DOCK8: variants seen among roughly 807,000 people sequenced by gnomAD.
DOCK8 encodes dedicator of cytokinesis protein 8.
A neutral mutation model predicts 245.6 loss-of-function variants in DOCK8; 141 were observed. The ratio of observed to expected loss-of-function variants is 0.57; its 90% confidence interval spans 0.50 to 0.66. DOCK8 has a LOEUF of 0.66. Ranked by LOEUF, DOCK8 falls within the 30% of genes least tolerant of loss-of-function variation. The pLI is 0.00. For missense variants in DOCK8, 2,965 were observed against 2,603.4 expected (o/e 1.14, Z -3.02); for synonymous variants, 1,168 against 970.2 (o/e 1.20, Z -3.79).
chr9:247,274 T>A (rs1254223951), intron 1 of DOCK8, among the ~76,000 whole-genome samples: 1 of 152,192 alleles, frequency 6.6e-6, no homozygotes, highest in Non-Finnish European at 1.5e-5. Flanking sequence ...TGCTTTAAAG[T>A]CAATTGGGGA....
chr9:242,793 C>G (rs958072138), intron 1 of DOCK8, among the ~76,000 whole-genome samples: 1 of 151,328 alleles, frequency 6.6e-6, no homozygotes, highest in Non-Finnish European at 1.5e-5. Flanking sequence ...TGGCCTTCCA[C>G]GGAATCTGTT....
chr9:267,003 TC>T (rs1176603389), intron 1 of DOCK8, among the ~76,000 whole-genome samples: 2 of 152,096 alleles, frequency 1.3e-5, no homozygotes, highest in Non-Finnish European at 2.9e-5. Flanking sequence ...TTGGCTATGT[TC>T]CTTTTTGTGG....
intron 35 of DOCK8, among the ~76,000 whole-genome samples, chr9:428,946 C>G (rs2056601751): frequency 6.6e-6 from 1 of 151,962 alleles, no homozygotes; most frequent in Non-Finnish European, 1.5e-5. Flanking sequence ...GGGTAACATG[C>G]AGATTATTTT....
In DOCK8 at chr9:386,429, A is replaced by G. The variant is rs758868430; in HGVS notation, c.2874+3A>G. 1.1e-5 allele frequency: 18 copies of G among 1,612,476 alleles called. No homozygotes were observed. Among genetic ancestry groups the G allele is most frequent in the South Asian group, 2.2e-5 (2 of 91,008 alleles). On this transcript the variant is annotated splice_donor_region_variant and intron_variant, in intron 23 of 47. Transcript: ENST00000432829. ...CCCCAAGGCCAGCCAGCAAAAAGGT[A>G]CTGAAGAGAGCAATGTGAGGTTCAT...
At chr9:260,115 G>T (rs1049414494) in intron 1 of DOCK8, among the ~76,000 whole-genome samples, 1 of 152,150 alleles carries the variant, frequency 6.6e-6, no homozygotes, top group Non-Finnish European at 1.5e-5. Flanking sequence ...GCCCTCTCAA[G>T]CCTGGCCAAC....
intron 7 of DOCK8, among the ~76,000 whole-genome samples, chr9:322,422 C>A (rs553326683): frequency 6.6e-6 from 1 of 150,468 alleles, no homozygotes; most frequent in African/African-American, 2.5e-5. Flanking sequence ...CGAACACTCA[C>A]GGAAAAAGCC....
chr9:405,265 C>T (rs1243791246), intron 27 of DOCK8, among the ~76,000 whole-genome samples, 192 bp downstream of exon 27: 4 of 152,158 alleles, frequency 2.6e-5, no homozygotes, highest in African/African-American at 9.7e-5. Flanking sequence ...TAATTGGTTT[C>T]TCCCCAGGCT....
intron 23 of DOCK8, among the ~76,000 whole-genome samples, 192 bp from the exon 24 acceptor site, chr9:390,279 G>A (rs1208761884): frequency 6.6e-6 from 1 of 152,120 alleles, no homozygotes; most frequent in East Asian, 1.9e-4. Flanking sequence ...TCTATGCACC[G>A]AAATGTCCTC....
intron 22 of DOCK8, among the ~76,000 whole-genome samples, chr9:385,580 C>A (rs983084723): frequency 6.6e-6 from 1 of 152,196 alleles, no homozygotes; most frequent in Non-Finnish European, 1.5e-5. Context: ...TACCACACTG[C>A]ATTTCTATGA....
intron 1 of DOCK8, among the ~76,000 whole-genome samples, chr9:220,444 C>A (rs2046855405): frequency 6.6e-6 from 1 of 152,144 alleles, no homozygotes; most frequent in South Asian, 2.1e-4. Flanking sequence ...AGATGAAGAA[C>A]TCAGGGGACC....
chr9:367,344 A>G (rs1026493544), intron 14 of DOCK8, among the ~76,000 whole-genome samples: 1 of 152,236 alleles, frequency 6.6e-6, no homozygotes, highest in Non-Finnish European at 1.5e-5. Flanking sequence ...AATCAAAAAC[A>G]TGAGAGAAAA....
At chr9:406,101 G>A (rs965303159) in intron 27 of DOCK8, among the ~76,000 whole-genome samples, 4 of 152,174 alleles carry the variant, frequency 2.6e-5, no homozygotes, top group African/African-American at 9.7e-5. Context: ...ATACAGGACA[G>A]GAATTACTGA....
chr9:377,984 A>C (rs1050308864), intron 20 of DOCK8, among the ~76,000 whole-genome samples: 2 of 152,186 alleles, frequency 1.3e-5, no homozygotes, highest in Non-Finnish European at 2.9e-5. Context: ...AGCTGTGCCT[A>C]TATAGCTCTT....
At chr9:381,932 C>T (rs1010768516) in intron 21 of DOCK8, among the ~76,000 whole-genome samples, 20 of 151,056 alleles carry the variant, frequency 1.3e-4, no homozygotes, top group African/African-American at 4.7e-4. Context: ...TGCACTCCAG[C>T]CTGGAGGACA....
chr9:326,983 AAGAG>A (rs1205185304), intron 8 of DOCK8, among the ~76,000 whole-genome samples: 1 of 152,210 alleles, frequency 6.6e-6, no homozygotes, highest in Non-Finnish European at 1.5e-5. Flanking sequence ...ATACGACACT[AAGAG>A]AGCCAGGAGC....
intron 1 of DOCK8, among the ~76,000 whole-genome samples, chr9:242,810 G>GTT (rs34167682): frequency 6.4e-5 from 9 of 140,932 alleles, no homozygotes; most frequent in African/African-American, 7.8e-5. Context: ...TGTTGAGCTT[G>GTT]TTTTTTTTTT....
chr9:233,745 G>T (rs1341571241), intron 1 of DOCK8, among the ~76,000 whole-genome samples: 3 of 151,844 alleles, frequency 2.0e-5, no homozygotes, highest in African/African-American at 7.2e-5. Context: ...TTTTCCATTT[G>T]CTTGGTAGAT....
At chr9:278,740 A>G (rs984304818) in intron 2 of DOCK8, among the ~76,000 whole-genome samples, 12 of 152,196 alleles carry the variant, frequency 7.9e-5, no homozygotes, top group African/African-American at 2.9e-4. Flanking sequence ...TCAATAAGTG[A>G]CGTGCTCCAG....
At chr9:316,973 C>G in intron 6 of DOCK8, 70 bp from the exon 7 acceptor site, 1 of 1,268,308 alleles carries the variant, frequency 7.9e-7, no homozygotes, top group East Asian at 2.3e-5. Flanking sequence ...CTTCCCTTCC[C>G]TGGGTTAACT....
Sources: allele counts gnomAD v4.1 joint callset (sites outside exome capture counted in the v4.1 genomes callset), GRCh38; gene constraint gnomAD v4.1.1; transcripts MANE v1.5; gene names NCBI Gene and HGNC (gene_info 2026-07-23, HGNC 2026-07-21).